PLA2G4A: variants seen among roughly 807,000 people sequenced by gnomAD.
The protein encoded by PLA2G4A is phospholipase A2 group IVA.
In PLA2G4A, 40 loss-of-function variants were observed where a neutral mutation model predicts 81.9. The ratio of observed to expected loss-of-function variants is 0.49; its 90% CI spans 0.38 to 0.64. The LOEUF (loss-of-function observed/expected upper bound fraction) is 0.64, where lower values mean the gene tolerates loss of function less well. Among genes scored for constraint, PLA2G4A ranks in the 30% least tolerant of loss-of-function variants. The pLI, the probability that PLA2G4A is intolerant of heterozygous loss-of-function variation, is 0.00. For synonymous variants in PLA2G4A, 302 were observed against 296.9 expected (o/e 1.02, Z -0.18); for missense variants, 715 against 905.1 (o/e 0.79, Z 2.69).
At chr1:186,907,290 G>C (rs1446627136) in intron 6 of PLA2G4A, among the ~76,000 whole-genome samples, 4 of 152,112 alleles carry the variant, frequency 2.6e-5, no homozygotes, top group Admixed American at 6.5e-5. Context: ...CCTCCCTCTA[G>C]TCGTACATCT....
At chr1:186,912,285 C>A (rs945467279) in intron 7 of PLA2G4A, among the ~76,000 whole-genome samples, 1 of 152,202 alleles carries the variant, frequency 6.6e-6, no homozygotes, top group Non-Finnish European at 1.5e-5. Context: ...ACATTTGTTA[C>A]AATCAGTGAA....
At chr1:186,949,801 C>T (rs1032288342) in intron 12 of PLA2G4A, among the ~76,000 whole-genome samples, 1 of 151,524 alleles carries the variant, frequency 6.6e-6, no homozygotes, top group Admixed American at 6.6e-5. Flanking sequence ...GAAGGATGAT[C>T]ACTTGAGTCC....
At chr1:186,857,354 TATA>T (rs914768912) in intron 2 of PLA2G4A, among the ~76,000 whole-genome samples, 9 of 123,642 alleles carry the variant, frequency 7.3e-5, no homozygotes, top group Admixed American at 2.1e-4. Flanking sequence ...ATATTATAAA[TATA>T]ATATTATATT....
At chr1:186,886,425 T>G (rs1359976281) in intron 3 of PLA2G4A, among the ~76,000 whole-genome samples, 1 of 152,148 alleles carries the variant, frequency 6.6e-6, no homozygotes, top group African/African-American at 2.4e-5. Context: ...TCAACCAGCT[T>G]AGTACATGGG....
intron 10 of PLA2G4A, among the ~76,000 whole-genome samples, chr1:186,943,426 C>T (rs1656227188): frequency 6.6e-6 from 1 of 152,104 alleles, no homozygotes; most frequent in South Asian, 2.1e-4. Context: ...TTGACAGACA[C>T]TTTAGAAGTA....
At chr1:186,928,256 G>A (rs1301549279) in intron 7 of PLA2G4A, among the ~76,000 whole-genome samples, 4 of 152,156 alleles carry the variant, frequency 2.6e-5, no homozygotes, top group Non-Finnish European at 5.9e-5. Context: ...TGTAAGCTGT[G>A]AGGGAAACAG....
intron 3 of PLA2G4A, among the ~76,000 whole-genome samples, chr1:186,878,154 A>T (rs933662072): frequency 6.9e-6 from 1 of 145,554 alleles, no homozygotes; most frequent in Admixed American, 6.9e-5. Flanking sequence ...TATTTTATAT[A>T]TATCTATATA....
chr1:186,918,220 G>C (rs1487253095), intron 7 of PLA2G4A, among the ~76,000 whole-genome samples: 1 of 152,188 alleles, frequency 6.6e-6, no homozygotes, highest in African/African-American at 2.4e-5. Context: ...ATCAGGTCGA[G>C]AGTTTCTTAA....
intron 9 of PLA2G4A, among the ~76,000 whole-genome samples, chr1:186,939,490 T>TG (rs1357475556): frequency 1.3e-3 from 49 of 36,490 alleles, no homozygotes; most frequent in South Asian, 0.013. Context: ...TCCTTTTCTC[T>TG]GGAAAAAAAA....
Position 186,911,249 on chromosome 1 carries a change from T to G in PLA2G4A, c.418T>G (p.Ser140Ala). The change falls in exon 7 of 18, where the codon TCA becomes GCA. Residue 140 changes from serine to alanine, a missense_variant and splice_region_variant. Transcript: ENST00000367466. Reference protein sequence around the residue: ...MVLEMSLEVCSCPDLRFSMAL... With the variant: ...MVLEMSLEVCACPDLRFSMAL... ...GACTTTATCTGTTTGGTATTACAGC[T>G]CATGCCCAGACCTACGATTTAGTAT... 1 of 1,613,346 alleles carries G rather than the reference T, an allele frequency of 6.2e-7. No individual in the cohort carries two copies. The highest frequency in any genetic ancestry group is 1.1e-5 in the South Asian group (1 of 91,074).
chr1:186,870,375 G>A (rs1396431029), intron 2 of PLA2G4A, 60 bp from the exon 3 acceptor site: 1 of 971,612 alleles, frequency 1.0e-6, no homozygotes, highest in African/African-American at 1.6e-5. Flanking sequence ...TTAATCTCAA[G>A]GAAAAAATGA....
chr1:186,954,780 G>A lies in PLA2G4A; in HGVS notation c.1337-1322G>A, dbSNP rs138881286. ...TTCCTAGAAATCAGAAAAAAACGGG[G>A]TTTAGGCAGGTGAAGTTATACATTA... On this transcript the variant is annotated intron_variant, in intron 13 of 17. Transcript: ENST00000367466. 5.9e-4 allele frequency among the ~76,000 whole-genome samples: 89 copies of A among 152,108 alleles called. 1 individual carries two copies. The East Asian group carries it at 0.014, about 24-fold the overall frequency.
At chr1:186,945,087 G>A (rs1033908356) in intron 10 of PLA2G4A, among the ~76,000 whole-genome samples, 1 of 152,124 alleles carries the variant, frequency 6.6e-6, no homozygotes, top group Non-Finnish European at 1.5e-5. Context: ...TTATGAGTTG[G>A]GCAGGGGTGG....
At chr1:186,935,185 G>A (rs1338221083) in intron 8 of PLA2G4A, among the ~76,000 whole-genome samples, 2 of 151,902 alleles carry the variant, frequency 1.3e-5, no homozygotes, top group African/African-American at 4.8e-5. Context: ...AAAGGACTGG[G>A]TTTGGTTAGT....
At chr1:186,854,223 T>C in intron 1 of PLA2G4A, 63 bp from the exon 2 acceptor site, 1 of 667,364 alleles carries the variant, frequency 1.5e-6, no homozygotes, top group Non-Finnish European at 2.7e-6. Flanking sequence ...ATACTCATAA[T>C]TGTTTAAATC....
chr1:186,906,790 T>C (rs1654753320), intron 5 of PLA2G4A, among the ~76,000 whole-genome samples, 175 bp from the exon 6 acceptor site: 1 of 152,246 alleles, frequency 6.6e-6, no homozygotes, highest in Non-Finnish European at 1.5e-5. Flanking sequence ...AAAGTTGGTT[T>C]ACTGAAATAC....
At chr1:186,975,535 T>G (rs576619063) in intron 15 of PLA2G4A, among the ~76,000 whole-genome samples, 1 of 152,364 alleles carries the variant, frequency 6.6e-6, no homozygotes, top group East Asian at 1.9e-4. Flanking sequence ...TTTTATCATT[T>G]AATCCTCTCA....
chr1:186,905,860 C>T (rs1445729380), intron 5 of PLA2G4A, among the ~76,000 whole-genome samples: 1 of 152,148 alleles, frequency 6.6e-6, no homozygotes, highest in Non-Finnish European at 1.5e-5. Flanking sequence ...GTTTTCAATA[C>T]CTTTTGCTTA....
intron 15 of PLA2G4A, among the ~76,000 whole-genome samples, chr1:186,966,027 G>T (rs1032159126): frequency 3.3e-5 from 5 of 151,574 alleles, no homozygotes; most frequent in Non-Finnish European, 7.4e-5. Context: ...ATATTAACAA[G>T]GGGGTTTTTT....
Sources: gnomAD v4.1 joint callset for allele counts (sites outside exome capture counted in the v4.1 genomes callset) on GRCh38, gnomAD v4.1.1 for gene constraint, MANE v1.5 for transcripts, NCBI Gene and HGNC (gene_info 2026-07-23, HGNC 2026-07-21) for gene names.